PLCH1: variants seen among roughly 807,000 people sequenced by gnomAD.
The protein encoded by PLCH1 is phospholipase C eta 1, also known as 1-phosphatidylinositol 4,5-bisphosphate phosphodiesterase eta-1.
PLCH1 carries 60 observed loss-of-function variants against 126.7 expected under a neutral mutation model. The observed-to-expected ratio is 0.47, with a 90% CI of 0.38 to 0.59. The LOEUF is 0.59. Ranked by LOEUF, PLCH1 falls within the 20% of genes least tolerant of loss-of-function variation. PLCH1 has a pLI of 0.00. For missense variants in PLCH1, 1,723 were observed against 2,040.0 expected, an observed-to-expected ratio of 0.84 and a Z score of 2.99; for synonymous variants, 719 against 734.9, an observed-to-expected ratio of 0.98 and a Z score of 0.35.
intron 12 of PLCH1, among the ~76,000 whole-genome samples, chr3:155,511,305 T>A (rs367668034): frequency 2.2e-5 from 3 of 134,748 alleles, no homozygotes; most frequent in African/African-American, 3.3e-5. Flanking sequence ...TTTGAATGTC[T>A]TCCCGTAGCT....
chr3:155,470,615 A>T (rs916615184), intron 21 of PLCH1, among the ~76,000 whole-genome samples: 1 of 152,160 alleles, frequency 6.6e-6, no homozygotes, highest in Non-Finnish European at 1.5e-5. Context: ...ACTCCAAGAC[A>T]CATAATTGTC....
chr3:155,566,114 T>TATATATATGTATATATAC (rs1217967025), intron 7 of PLCH1, among the ~76,000 whole-genome samples: 10,374 of 49,160 alleles, frequency 0.21, 1,173 homozygotes, highest in Non-Finnish European at 0.32. Flanking sequence ...TATATATACA[T>TATATATATGTATATATAC]ATATATATGT....
chr3:155,660,656 G>C (rs554596422), intron 2 of PLCH1, among the ~76,000 whole-genome samples: 11 of 152,270 alleles, frequency 7.2e-5, no homozygotes, highest in African/African-American at 2.6e-4. Context: ...GGGGTAGGGG[G>C]TTTGCCCTAA....
intron 9 of PLCH1, among the ~76,000 whole-genome samples, chr3:155,550,621 G>A (rs747616399): frequency 2.6e-5 from 4 of 152,238 alleles, no homozygotes; most frequent in Non-Finnish European, 5.9e-5. Flanking sequence ...TAAAGGAGTT[G>A]GTGGCTAAGG....
At chr3:155,557,823 T>C (rs1727032608) in intron 8 of PLCH1, among the ~76,000 whole-genome samples, 1 of 152,110 alleles carries the variant, frequency 6.6e-6, no homozygotes, top group African/African-American at 2.4e-5. Flanking sequence ...CAGCTTTTCA[T>C]AATGGAGCTT....
chr3:155,596,618 A>G (rs556791855), intron 2 of PLCH1, among the ~76,000 whole-genome samples: 169 of 152,216 alleles, frequency 1.1e-3, no homozygotes, highest in African/African-American at 4.0e-3. Context: ...TAAATAATGC[A>G]ATACTTCATA....
chr3:155,627,945 T>C (rs1737541217), intron 2 of PLCH1, among the ~76,000 whole-genome samples: 1 of 151,832 alleles, frequency 6.6e-6, no homozygotes, highest in South Asian at 2.1e-4. Flanking sequence ...TTTTGTAATT[T>C]TAGCAGAGGC....
intron 8 of PLCH1, among the ~76,000 whole-genome samples, chr3:155,564,074 G>A (rs1025403418): frequency 2.0e-4 from 30 of 151,928 alleles, no homozygotes; most frequent in African/African-American, 2.4e-4. Context: ...CAGCCTCCCA[G>A]GTAGCTAAAA....
intron 2 of PLCH1, among the ~76,000 whole-genome samples, chr3:155,683,889 G>A (rs543575794): frequency 2.6e-5 from 4 of 152,288 alleles, no homozygotes; most frequent in Non-Finnish European, 5.9e-5. Context: ...TTCCTTGGGA[G>A]GTGGAGCTGG....
chr3:155,636,465 A>G (rs1417693866), intron 2 of PLCH1, among the ~76,000 whole-genome samples: 1 of 152,158 alleles, frequency 6.6e-6, no homozygotes, highest in Non-Finnish European at 1.5e-5. Context: ...TAGATTTTGT[A>G]GGCCAGGCGC....
chr3:155,576,929 T>C (rs1289731056), intron 6 of PLCH1, among the ~76,000 whole-genome samples: 1 of 152,240 alleles, frequency 6.6e-6, no homozygotes, highest in African/African-American at 2.4e-5. Context: ...TTATCAATTA[T>C]ATTAAATGTT....
chr3:155,693,715 G>T (rs764986436), intron 2 of PLCH1, among the ~76,000 whole-genome samples: 84 of 152,074 alleles, frequency 5.5e-4, no homozygotes, highest in African/African-American at 1.9e-3. Context: ...GGATCACCTG[G>T]GGTCATGAGT....
At chr3:155,683,966 G>A (rs1744732141) in intron 2 of PLCH1, among the ~76,000 whole-genome samples, 1 of 152,124 alleles carries the variant, frequency 6.6e-6, no homozygotes, top group Admixed American at 6.5e-5. Flanking sequence ...CCAGCTAAAT[G>A]AGGACTGTTT....
intron 2 of PLCH1, among the ~76,000 whole-genome samples, chr3:155,666,694 T>A (rs80064039): frequency 0.081 from 12,297 of 152,246 alleles, 680 homozygotes; most frequent in Non-Finnish European, 0.12. Flanking sequence ...CTCATTAAAA[T>A]TAGCTAAGGA....
At chr3:155,685,888 T>C (rs1190238856) in intron 2 of PLCH1, among the ~76,000 whole-genome samples, 3 of 152,208 alleles carry the variant, frequency 2.0e-5, no homozygotes, top group Admixed American at 2.0e-4. Context: ...GGCTTGGCTC[T>C]AACCCTAAGA....
chr3:155,675,527 C>A (rs1459638457), intron 2 of PLCH1, among the ~76,000 whole-genome samples: 1 of 152,140 alleles, frequency 6.6e-6, no homozygotes, highest in African/African-American at 2.4e-5. Context: ...TTTACTATCC[C>A]TGACTAGTTT....
rs190071087 is a variant in PLCH1 at position 155,615,224 on chromosome 3, C to A, written c.80-18846G>T. Among the ~76,000 whole-genome samples, 454 of 152,174 alleles carry A rather than the reference C, an allele frequency of 3.0e-3. 3 individuals are homozygous for A. The highest frequency in any genetic ancestry group is 0.01 in the African/African-American group (424 of 41,526). ...ATCATCAGAGAAATGCAAATCAAAA[C>A]CACAATGCGATACCACCTTACTCCT... On this transcript the variant is annotated intron_variant, in intron 2 of 22. Transcript: ENST00000460012.
At chr3:155,451,872 T>A (rs979095101) in intron 21 of PLCH1, among the ~76,000 whole-genome samples, 1 of 152,152 alleles carries the variant, frequency 6.6e-6, no homozygotes, top group Non-Finnish European at 1.5e-5. Flanking sequence ...ACCAACACTA[T>A]CAGCTCACTT....
Position 155,583,539 on chromosome 3 carries a change from C to T in PLCH1, c.704G>A (p.Ser235Asn), listed in dbSNP as rs753050302. ...LRRDLYLLLL[S>N]YSDKKDHLTV... The stretch of plus-strand genomic sequence containing the variant: ...TAGGTGATCTTTCTTGTCACTGTAG[C>T]TCAAAAGTAACAAATAAAGGTCTCG... Residue 235 changes from serine (S) to asparagine (N), a missense_variant, in exon 6 of 23, where the codon AGC becomes AAC. By Grantham distance (46) the Ser-to-Asn change is conservative. Transcript: ENST00000460012. 14 of 1,605,082 alleles carry T rather than the reference C, an allele frequency of 8.7e-6. No individual in the cohort carries two copies. Among genetic ancestry groups the T allele is most frequent in the Middle Eastern group, 1.7e-4 (1 of 6,010 alleles).
Sources: gnomAD v4.1 joint callset for allele counts (sites outside exome capture counted in the v4.1 genomes callset) on GRCh38, gnomAD v4.1.1 for gene constraint, MANE v1.5 for transcripts, NCBI Gene and HGNC (gene_info 2026-07-23, HGNC 2026-07-21) for gene names.